Variants in DNAAF10 observed in about 807,000 individuals in gnomAD.
DNAAF10 encodes the protein WD repeat domain 92.
In DNAAF10, 28 loss-of-function variants were observed where a neutral mutation model predicts 43.7. The ratio of observed to expected loss-of-function variants is 0.64; its 90% CI spans 0.48 to 0.88. The LOEUF (loss-of-function observed/expected upper bound fraction) is 0.88, where lower values mean the gene tolerates loss of function less well. Among genes scored for constraint, DNAAF10 ranks in the 40% least tolerant of loss-of-function variants. The probability of loss-of-function intolerance (pLI) is 0.00; values close to 1 mark genes in which losing one functional copy is unlikely to be tolerated. For synonymous variants in DNAAF10, 156 were observed against 157.3 expected (o/e 0.99, Z 0.06); for missense variants, 403 against 439.1 (o/e 0.92, Z 0.73).
At chr2:68,140,803 T>C (rs1177645581) in intron 4 of DNAAF10, among the ~76,000 whole-genome samples, 1 of 152,200 alleles carries the variant, frequency 6.6e-6, no homozygotes, top group Non-Finnish European at 1.5e-5. Context: ...TCTGCATCTA[T>C]AGGCAACCAA....
At chr2:68,141,553 T>G in intron 4 of DNAAF10, 141 bp downstream of exon 4, 1 of 713,434 alleles carries the variant, frequency 1.4e-6, no homozygotes, top group Non-Finnish European at 2.2e-6. Flanking sequence ...AGGCTGACAT[T>G]AACCACCACG....
At chr2:68,156,380 T>C (rs1197845060) in intron 1 of DNAAF10, among the ~76,000 whole-genome samples, 2 of 152,152 alleles carry the variant, frequency 1.3e-5, no homozygotes, top group African/African-American at 4.8e-5. Context: ...TTGTAGTCTA[T>C]TACAACCCTG....
chr2:68,133,425 C>T (rs534676454), intron 7 of DNAAF10, among the ~76,000 whole-genome samples: 1 of 151,982 alleles, frequency 6.6e-6, no homozygotes, highest in African/African-American at 2.4e-5. Context: ...TAGTAGAGAC[C>T]CGGTTTTGCC....
rs747336820 is a variant in DNAAF10 at position 68,157,526 on chromosome 2, G to T, written c.-83C>A. 5 of 1,579,198 alleles carry T rather than the reference G, an allele frequency of 3.2e-6. No individual in the cohort carries two copies. The Admixed American group carries it at 5.0e-5, about 16-fold the overall frequency. On this transcript the variant is annotated 5_prime_UTR_variant, in exon 1 of 8. Transcript: ENST00000295121. Reference sequence around the variant, plus strand: ...CCTGGAAACCAGACTCCAAACATTGGCAATTTGTCCCTCCCGCTTTCCGTA... The same window carrying T: ...CCTGGAAACCAGACTCCAAACATTGTCAATTTGTCCCTCCCGCTTTCCGTA...
chr2:68,154,191 A>G (rs1673528341), intron 1 of DNAAF10, among the ~76,000 whole-genome samples: 1 of 152,196 alleles, frequency 6.6e-6, no homozygotes, highest in Non-Finnish European at 1.5e-5. Context: ...GTTCTCAGAC[A>G]ACTCATGGTA....
intron 1 of DNAAF10, among the ~76,000 whole-genome samples, chr2:68,154,404 G>A (rs1186367641): frequency 1.3e-5 from 2 of 151,768 alleles, no homozygotes; most frequent in East Asian, 2.0e-4. Context: ...CCGCCACCAC[G>A]CCCGGCTGAT....
At chr2:68,144,859 A>G (rs962060899) in intron 2 of DNAAF10, 144 bp from the exon 3 acceptor site, 7 of 1,146,876 alleles carry the variant, frequency 6.1e-6, no homozygotes, top group Non-Finnish European at 8.2e-6. Context: ...ATTTATTTAC[A>G]CTTCTGAAAT....
chr2:68,141,907 G>A, intron 3 of DNAAF10, 112 bp from the exon 4 acceptor site: 11 of 846,498 alleles, frequency 1.3e-5, no homozygotes, highest in Non-Finnish European at 1.7e-5. Flanking sequence ...CAGATGTTAT[G>A]ACATCTGAAA....
intron 1 of DNAAF10, among the ~76,000 whole-genome samples, chr2:68,149,933 G>A (rs535149353): frequency 2.3e-4 from 35 of 152,326 alleles, no homozygotes; most frequent in African/African-American, 8.2e-4. Flanking sequence ...CAGGGGATTA[G>A]AAGCTGTGAA....
In DNAAF10 at chr2:68,130,107, GAGAGAGAGATATATATATATAT is replaced by G. The variant is rs1672895238; in HGVS notation, c.*1109_*1130del. The G allele has an allele frequency of 8.3e-6, 1 of 120,390 alleles. No homozygotes were observed. The highest frequency in any genetic ancestry group is 1.6e-5 in the Non-Finnish European group (1 of 63,726). 7.5% of individuals were successfully genotyped at this position (120,390 alleles called of 1,614,324 possible). On this transcript the variant is annotated 3_prime_UTR_variant, in exon 8 of 8. Transcript: ENST00000295121. ...ATCTAGACCAACCGTGCCGTTTTGA[GAGAGAGAGATATATATATATAT>G]ATTTGTTTTTTTTTTTTTTGAGACG...
chr2:68,153,971 T>C (rs763342888), intron 1 of DNAAF10, among the ~76,000 whole-genome samples: 3 of 152,014 alleles, frequency 2.0e-5, no homozygotes, highest in Non-Finnish European at 4.4e-5. Context: ...GCCAGGATGG[T>C]CTTGCTCTCC....
chr2:68,142,326 G>T (rs1673200123), intron 3 of DNAAF10, among the ~76,000 whole-genome samples: 2 of 152,086 alleles, frequency 1.3e-5, no homozygotes, highest in Admixed American at 1.3e-4. Flanking sequence ...GCGTGATCTT[G>T]GCTCACTGCA....
At position 68,138,810 on chromosome 2, in the gene DNAAF10, T is replaced by G; in HGVS notation, c.565A>C (p.Asn189His). The G allele has an allele frequency of 6.2e-7, 1 of 1,614,164 alleles. No homozygotes were observed. The highest frequency in any genetic ancestry group is 8.5e-7 in the Non-Finnish European group (1 of 1,180,030). ...EERVVCAGYDNGDIKLFDLRN... is the reference protein window; with the variant it reads ...EERVVCAGYDHGDIKLFDLRN... Reference sequence around the variant, plus strand: ...AGATCAAATAGTTTGATATCCCCATTGTCATAGCCAGCACAAACAACACGT... The same window carrying G: ...AGATCAAATAGTTTGATATCCCCATGGTCATAGCCAGCACAAACAACACGT... The change falls in exon 5 of 8, where the codon AAT becomes CAT. Residue 189 changes from asparagine to histidine, a missense_variant. By Grantham distance (68) the Asn-to-His change is moderately conservative. Coordinates refer to ENST00000295121, the MANE Select transcript of DNAAF10 (RefSeq NM_138458.4).
intron 7 of DNAAF10, chr2:68,131,662 T>C (rs1558605336): frequency 2.0e-6 from 1 of 507,816 alleles, no homozygotes; most frequent in Admixed American, 3.2e-5. Flanking sequence ...TTAGTTCTAC[T>C]AAAAACTTCT....
At chr2:68,156,602 A>C (rs953181708) in intron 1 of DNAAF10, among the ~76,000 whole-genome samples, 6 of 152,184 alleles carry the variant, frequency 3.9e-5, no homozygotes, top group African/African-American at 1.2e-4. Flanking sequence ...AATCCTTTGA[A>C]TGTCCTACAG....
intron 1 of DNAAF10, among the ~76,000 whole-genome samples, chr2:68,156,314 C>G (rs1673609828): frequency 6.6e-6 from 1 of 151,560 alleles, no homozygotes; most frequent in Admixed American, 6.6e-5. Context: ...ATCCCTACCT[C>G]CTCCAAGCAG....
At chr2:68,138,579 G>A (rs1054167670) in intron 5 of DNAAF10, among the ~76,000 whole-genome samples, 163 bp downstream of exon 5, 2 of 152,194 alleles carry the variant, frequency 1.3e-5, no homozygotes, top group African/African-American at 4.8e-5. Flanking sequence ...GAGGATCCAG[G>A]ATTTTCATTA....
chr2:68,132,471 T>C (rs1222321169), intron 7 of DNAAF10, among the ~76,000 whole-genome samples: 1 of 152,272 alleles, frequency 6.6e-6, no homozygotes, highest in Non-Finnish European at 1.5e-5. Flanking sequence ...TGCAGTTATT[T>C]AGTATTCAAA....
chr2:68,157,256 C>G lies in DNAAF10; in HGVS notation c.183+5G>C. The stretch of plus-strand genomic sequence containing the variant: ...GGCAGTCCGGATCCTCGACCCGGCA[C>G]CCACCTCCCGAAGCAGCTTCAGGTC... On this transcript the variant is annotated splice_donor_5th_base_variant and intron_variant, in intron 1 of 7. Coordinates refer to ENST00000295121, the MANE Select transcript of DNAAF10 (RefSeq NM_138458.4). 6.2e-7 allele frequency: 1 copy of G among 1,611,152 alleles called. No homozygotes were observed. The highest frequency in any genetic ancestry group is 8.5e-7 in the Non-Finnish European group (1 of 1,178,420).
Sources: allele counts gnomAD v4.1 joint callset (sites outside exome capture counted in the v4.1 genomes callset), GRCh38; gene constraint gnomAD v4.1.1; transcripts MANE v1.5; gene names NCBI Gene and HGNC (gene_info 2026-07-23, HGNC 2026-07-21).